Variants in NF2 observed in about 807,000 individuals in gnomAD.
NF2 encodes the protein merlin.
A neutral mutation model predicts 83.7 loss-of-function variants in NF2; 8 were observed. That is an observed-to-expected ratio of 0.10 (90% CI 0.06 to 0.17). The LOEUF (loss-of-function observed/expected upper bound fraction) is 0.17, where lower values mean the gene tolerates loss of function less well. NF2 is among the 10% of genes least tolerant of loss of function. NF2 has a pLI of 1.00. For missense variants in NF2, 533 were observed against 744.4 expected (o/e 0.72, Z 3.31); for synonymous variants, 266 against 269.6 (o/e 0.99, Z 0.13).
intron 1 of NF2, among the ~76,000 whole-genome samples, chr22:29,605,978 G>A (rs905883898): frequency 6.6e-6 from 1 of 151,990 alleles, no homozygotes; most frequent in Non-Finnish European, 1.5e-5. Context: ...TTTTGAGACG[G>A]AGTTTTGCTC....
intron 15 of NF2, among the ~76,000 whole-genome samples, chr22:29,693,487 C>T (rs2147166831): frequency 6.6e-6 from 1 of 152,316 alleles, no homozygotes; most frequent in East Asian, 1.9e-4. Flanking sequence ...TTTGGAGTCT[C>T]CCTCCCCTGC....
chr22:29,609,509 T>C (rs2064892967), intron 1 of NF2: 1 of 270,954 alleles, frequency 3.7e-6, no homozygotes, highest in Admixed American at 4.9e-5. Flanking sequence ...TGATGAAACC[T>C]TAAGGAGCCC....
chr22:29,673,970 T>G (rs1412541612), intron 12 of NF2, among the ~76,000 whole-genome samples: 2 of 152,182 alleles, frequency 1.3e-5, no homozygotes, highest in Non-Finnish European at 2.9e-5. Flanking sequence ...GCTAGGATGA[T>G]CTCTGTGACT....
chr22:29,669,263 A>G (rs1326610138), intron 10 of NF2, among the ~76,000 whole-genome samples: 1 of 152,180 alleles, frequency 6.6e-6, no homozygotes, highest in East Asian at 1.9e-4. Context: ...GTGGGCCACA[A>G]ATGTGTTCTT....
rs1466837815 is a variant in NF2 at position 29,694,857 on chromosome 22, G to A, written c.*55G>A. 6.4e-7 allele frequency: 1 copy of A among 1,561,888 alleles called. No homozygotes were observed. The highest frequency in any genetic ancestry group is 8.8e-7 in the Non-Finnish European group (1 of 1,141,740). On this transcript the variant is annotated 3_prime_UTR_variant, in exon 16 of 16. Transcript: ENST00000338641. The surrounding 1 kb of genome is among the most constrained non-coding windows in gnomAD (Gnocchi z 4.1). ...ACTTCTCCTGCTACCGGGACCGCGG[G>A]ATGGACCAGATATCAAGAGAGCCAT...
chr22:29,643,707 G>A (rs2065880704), intron 4 of NF2, among the ~76,000 whole-genome samples: 3 of 152,170 alleles, frequency 2.0e-5, no homozygotes, highest in Non-Finnish European at 4.4e-5. Flanking sequence ...CACAGACACG[G>A]CAACCATCCG....
At chr22:29,642,343 A>T in intron 4 of NF2, 58 bp downstream of exon 4, 1 of 1,350,204 alleles carries the variant, frequency 7.4e-7, no homozygotes, top group South Asian at 1.2e-5. Context: ...TCATGGGATC[A>T]CTCCTATCTT....
chr22:29,670,080 C>T (rs1474274141), intron 10 of NF2, among the ~76,000 whole-genome samples: 1 of 151,958 alleles, frequency 6.6e-6, no homozygotes, highest in Non-Finnish European at 1.5e-5. Context: ...CTCACTGTAA[C>T]CTCAAGCTCC....
intron 7 of NF2, 152 bp from the exon 8 acceptor site, chr22:29,661,053 A>G: frequency 2.6e-6 from 3 of 1,167,810 alleles, no homozygotes; most frequent in Non-Finnish European, 3.8e-6. Context: ...CAGAAAGCTG[A>G]AATCTTCTTG....
intron 15 of NF2, among the ~76,000 whole-genome samples, chr22:29,691,483 G>A (rs1420351903): frequency 1.3e-5 from 2 of 152,236 alleles, no homozygotes; most frequent in Non-Finnish European, 2.9e-5. Flanking sequence ...GGGTATGAGA[G>A]CATCGCAGGG....
intron 15 of NF2, among the ~76,000 whole-genome samples, chr22:29,687,303 G>A (rs1343808960): frequency 6.6e-6 from 1 of 152,202 alleles, no homozygotes; most frequent in Non-Finnish European, 1.5e-5. Context: ...TTCCACTGAT[G>A]GAGGAACAGG....
chr22:29,637,034 C>A, intron 2 of NF2, 158 bp downstream of exon 2: 1 of 1,088,656 alleles, frequency 9.2e-7, no homozygotes. Context: ...CGTAGAGATG[C>A]TACCAGTTTC....
At chr22:29,641,177 T>TC (rs1461569763) in intron 3 of NF2, among the ~76,000 whole-genome samples, 7 of 134,008 alleles carry the variant, frequency 5.2e-5, no homozygotes, top group African/African-American at 1.6e-4. Flanking sequence ...AGCGTTGCTT[T>TC]TTCCCCCCTC....
At chr22:29,689,421 AC>A (rs957183992) in intron 15 of NF2, among the ~76,000 whole-genome samples, 1 of 151,820 alleles carries the variant, frequency 6.6e-6, no homozygotes, top group Non-Finnish European at 1.5e-5. Context: ...TTTTGTGTCT[AC>A]ACCCTCCCCC....
At chr22:29,617,080 C>T (rs989552981) in intron 1 of NF2, among the ~76,000 whole-genome samples, 8 of 152,100 alleles carry the variant, frequency 5.3e-5, no homozygotes, top group Admixed American at 6.5e-5. Context: ...AGGCATGTGC[C>T]ACCATGCCCG....
rs886881596 is a variant in NF2 at position 29,694,951 on chromosome 22, C to G, written c.*149C>G. ...TTCCCCAGCTGAGTGAAGAGCCCAG[C>G]CCCTCTTATGTGCAATTGCCTTGAA... is the stretch of plus-strand genomic sequence containing the variant. On this transcript the variant is annotated 3_prime_UTR_variant, in exon 16 of 16. Transcript: ENST00000338641. This position sits in a 1 kb window ranked among gnomAD's most constrained non-coding sequence, Gnocchi z 4.1. 1 of 789,064 alleles carries G rather than the reference C, an allele frequency of 1.3e-6. No individual in the cohort carries two copies. The highest frequency in any genetic ancestry group is 2.2e-6 in the Non-Finnish European group (1 of 462,220). 48.9% of individuals were successfully genotyped at this position (789,064 alleles called of 1,614,324 possible).
chr22:29,603,653 A>G lies in NF2; in HGVS notation c.-346A>G. ...GCCCCGTGACCCTAGTCGGCCGCTGAGAGGCGCGCGGAGTCTGGGCCGCTG... is the reference window on the plus strand; with the variant it reads ...GCCCCGTGACCCTAGTCGGCCGCTGGGAGGCGCGCGGAGTCTGGGCCGCTG... On this transcript the variant is annotated 5_prime_UTR_variant, in exon 1 of 16. Coordinates refer to ENST00000338641, the MANE Select transcript of NF2 (RefSeq NM_000268.4). 1 of 408,124 alleles carries G rather than the reference A, an allele frequency of 2.5e-6. No individual in the cohort carries two copies. The highest frequency in any genetic ancestry group is 4.3e-6 in the Non-Finnish European group (1 of 231,984). The allele number at this position is 408,124 out of a possible 1,614,324, so 25.3% of individuals were successfully genotyped here. A position where few individuals can be genotyped will look rare whatever the true frequency, so the allele number is the denominator to read the frequency against.
intron 15 of NF2, chr22:29,682,963 A>G: frequency 1.2e-6 from 2 of 1,600,220 alleles, no homozygotes; most frequent in Admixed American, 1.7e-5. Flanking sequence ...CACTTATGGC[A>G]TTGTTGATAT....
At chr22:29,647,035 C>CAAAAAA (rs67597134) in intron 4 of NF2, among the ~76,000 whole-genome samples, 1 of 117,014 alleles carries the variant, frequency 8.5e-6, no homozygotes. Flanking sequence ...GACTCCATCT[C>CAAAAAA]AAAAAAAAAA....
Sources: allele counts gnomAD v4.1 joint callset (sites outside exome capture counted in the v4.1 genomes callset), GRCh38; gene constraint gnomAD v4.1.1; non-coding constraint Gnocchi (gnomAD v3.1); transcripts MANE v1.5; gene names NCBI Gene and HGNC (gene_info 2026-07-23, HGNC 2026-07-21).